TTC7B: variants seen among roughly 807,000 people sequenced by gnomAD.
TTC7B encodes tetratricopeptide repeat domain 7B.
TTC7B carries 28 observed loss-of-function variants against 106.8 expected under a neutral mutation model. The observed-to-expected ratio is 0.26, with a 90% CI of 0.19 to 0.36. The LOEUF (loss-of-function observed/expected upper bound fraction) is 0.36, where lower values mean the gene tolerates loss of function less well. Ranked by LOEUF, TTC7B falls within the 10% of genes least tolerant of loss-of-function variation. TTC7B has a pLI of 1.00. For missense variants in TTC7B, 862 were observed against 1,076.4 expected, an observed-to-expected ratio of 0.80 and a Z score of 2.79; for synonymous variants, 405 against 430.6, an observed-to-expected ratio of 0.94 and a Z score of 0.74.
In TTC7B at chr14:90,592,029, A is replaced by G. The variant is rs999160824; in HGVS notation, c.2107+1457T>C. On this transcript the variant is annotated intron_variant, in intron 18 of 19. Coordinates refer to ENST00000328459, the MANE Select transcript of TTC7B (RefSeq NM_001010854.2). ...TATAATTTGTTAATTTACGGTAGTC[A>G]TTATGGTGCAATTGAAGATGCCAAC... is the stretch of plus-strand genomic sequence containing the variant. 6.2e-4 allele frequency among the ~76,000 whole-genome samples: 94 copies of G among 152,226 alleles called. 2 individuals carry two copies. Among genetic ancestry groups the G allele is most frequent in the Admixed American group, 6.0e-3 (92 of 15,280 alleles).
At chr14:90,552,320 G>A (rs973359328) in intron 19 of TTC7B, among the ~76,000 whole-genome samples, 2 of 152,256 alleles carry the variant, frequency 1.3e-5, no homozygotes, top group Non-Finnish European at 2.9e-5. Context: ...CAGGTCACAA[G>A]TTCTGGGCAG....
chr14:90,714,222 C>T (rs183706705), intron 5 of TTC7B, among the ~76,000 whole-genome samples: 62 of 150,654 alleles, frequency 4.1e-4, no homozygotes, highest in African/African-American at 1.5e-3. Flanking sequence ...AAGAGCGAAA[C>T]TCTGTCTCAA....
chr14:90,559,153 G>C (rs1478369827), intron 19 of TTC7B, among the ~76,000 whole-genome samples: 2 of 152,222 alleles, frequency 1.3e-5, no homozygotes, highest in Admixed American at 6.5e-5. Flanking sequence ...CCGGGCAAAC[G>C]CGGAGCTTGG....
rs539378865 is a variant in TTC7B at position 90,575,079 on chromosome 14, G to A, written c.2310+3027C>T. On this transcript the variant is annotated intron_variant, in intron 19 of 19. Transcript: ENST00000328459. The surrounding 1 kb of genome is among the most constrained non-coding windows in gnomAD (Gnocchi z 5.2). Reference sequence around the variant, plus strand: ...GTTTCCGCCACTCTCCGCCACACAGGTCGGGGCCCTGCCTCCTCCCTGGGG... The same window carrying A: ...GTTTCCGCCACTCTCCGCCACACAGATCGGGGCCCTGCCTCCTCCCTGGGG... 2.6e-5 allele frequency among the ~76,000 whole-genome samples: 4 copies of A among 152,290 alleles called. No homozygotes were observed. The East Asian group carries it at 5.8e-4, about 22-fold the overall frequency.
intron 4 of TTC7B, among the ~76,000 whole-genome samples, chr14:90,739,333 T>G (rs771672465): frequency 6.6e-5 from 10 of 152,212 alleles, no homozygotes; most frequent in Non-Finnish European, 1.3e-4. Flanking sequence ...CTTTATTGTC[T>G]CACATTTTAA....
chr14:90,645,155 G>T (rs923399940), intron 14 of TTC7B: 1 of 152,272 alleles, frequency 6.6e-6, no homozygotes, highest in Non-Finnish European at 1.5e-5. Context: ...CCTCTGTGGG[G>T]CCTCTTCTCA....
intron 5 of TTC7B, chr14:90,699,027 C>T: frequency 2.8e-6 from 1 of 353,676 alleles, no homozygotes; most frequent in South Asian, 2.1e-5. Context: ...GGCTTGTCTG[C>T]TGATTCGCCA....
chr14:90,576,523 G>GCAC (rs1261430658), intron 19 of TTC7B, among the ~76,000 whole-genome samples: 2 of 152,168 alleles, frequency 1.3e-5, no homozygotes, highest in African/African-American at 4.8e-5. Flanking sequence ...TATTTCATGA[G>GCAC]CACCTACTAG....
intron 16 of TTC7B, among the ~76,000 whole-genome samples, chr14:90,611,444 T>G (rs1892870469): frequency 1.3e-5 from 2 of 152,320 alleles, no homozygotes; most frequent in South Asian, 2.1e-4. Flanking sequence ...CTGAGTGTGA[T>G]CACAGTCATG....
intron 5 of TTC7B, 134 bp from the exon 6 acceptor site, chr14:90,695,712 G>A (rs1887719385): frequency 2.3e-6 from 1 of 425,702 alleles, no homozygotes; most frequent in South Asian, 5.2e-5. Context: ...CTCTGCACAT[G>A]CCTAGCCATC....
At position 90,663,347 on chromosome 14, in the gene TTC7B, T is replaced by G. The variant is rs1016670485; in HGVS notation, c.1153-4960A>C. Among the ~76,000 whole-genome samples the G allele has an allele frequency of 3.0e-4, 46 of 152,276 alleles. No individual in the cohort carries two copies. Among genetic ancestry groups the G allele is most frequent in the African/African-American group, 5.5e-4 (23 of 41,558 alleles). ...ATTATATTGTGCCACTCACACTTCA[T>G]TTATCAGGCCCACTCATGCTGCAGA... On this transcript the variant is annotated intron_variant, in intron 9 of 19. Coordinates refer to ENST00000328459, the MANE Select transcript of TTC7B (RefSeq NM_001010854.2). The surrounding 1 kb of genome is among the most constrained non-coding windows in gnomAD (Gnocchi z 4.5).
At chr14:90,669,691 A>G (rs568287510) in intron 9 of TTC7B, among the ~76,000 whole-genome samples, 4 of 152,238 alleles carry the variant, frequency 2.6e-5, no homozygotes, top group Non-Finnish European at 5.9e-5. Flanking sequence ...CAACATCATT[A>G]GTTATCAGGG....
intron 1 of TTC7B, among the ~76,000 whole-genome samples, chr14:90,813,666 T>C (rs1473069148): frequency 1.4e-5 from 2 of 145,742 alleles, no homozygotes; most frequent in Non-Finnish European, 1.5e-5. Context: ...CTCCAAACAC[T>C]GTATTCTTTT....
chr14:90,786,610 G>A (rs954836423), intron 1 of TTC7B, among the ~76,000 whole-genome samples: 1 of 151,458 alleles, frequency 6.6e-6, no homozygotes, highest in Non-Finnish European at 1.5e-5. Flanking sequence ...ATGGAGTTTC[G>A]CTCTTGTTGC....
At chr14:90,772,748 G>A (rs1890905131) in intron 3 of TTC7B, 2 of 152,230 alleles carry the variant, frequency 1.3e-5, no homozygotes, top group Admixed American at 1.3e-4. Context: ...AAGGCAGGAG[G>A]ATCTCTTGAG....
At chr14:90,571,911 A>T (rs1382918680) in intron 19 of TTC7B, among the ~76,000 whole-genome samples, 2 of 152,208 alleles carry the variant, frequency 1.3e-5, no homozygotes, top group Non-Finnish European at 2.9e-5. Context: ...AGACACACAG[A>T]CACCGAGTGC....
At chr14:90,806,340 A>G (rs1198967352) in intron 1 of TTC7B, among the ~76,000 whole-genome samples, 1 of 152,200 alleles carries the variant, frequency 6.6e-6, no homozygotes, top group Non-Finnish European at 1.5e-5. Flanking sequence ...TCTGTGACCC[A>G]GCCAACACCG....
intron 3 of TTC7B, among the ~76,000 whole-genome samples, chr14:90,774,547 C>G (rs984570953): frequency 1.2e-4 from 18 of 152,218 alleles, no homozygotes; most frequent in African/African-American, 2.9e-4. Flanking sequence ...CCCTCCACCC[C>G]CTCTGTGAAC....
At chr14:90,790,952 C>G (rs1891566643) in intron 1 of TTC7B, among the ~76,000 whole-genome samples, 1 of 152,032 alleles carries the variant, frequency 6.6e-6, no homozygotes, top group Non-Finnish European at 1.5e-5. Context: ...CGGAGAGAAC[C>G]AAGTGGCAGG....
Sources: allele counts gnomAD v4.1 joint callset (sites outside exome capture counted in the v4.1 genomes callset), GRCh38; gene constraint gnomAD v4.1.1; non-coding constraint Gnocchi (gnomAD v3.1); transcripts MANE v1.5; gene names NCBI Gene and HGNC (gene_info 2026-07-23, HGNC 2026-07-21).